The following APC variants were observed in gnomAD, a reference collection of about 807,000 sequenced individuals.
APC encodes APC regulator of Wnt signaling pathway.
A neutral mutation model predicts 247.0 loss-of-function variants in APC; 72 were observed. The observed-to-expected ratio is 0.29, with a 90% CI of 0.24 to 0.35. The LOEUF is 0.35. APC is among the 10% of genes least tolerant of loss of function. The probability of loss-of-function intolerance (pLI) is 1.00; values close to 1 mark genes in which losing one functional copy is unlikely to be tolerated. For missense variants in APC, 3,400 were observed against 3,360.7 expected (o/e 1.01, Z -0.29); for synonymous variants, 1,254 against 1,162.5 (o/e 1.08, Z -1.60).
At position 112,786,491 on chromosome 5, in the gene APC, G is replaced by A. The variant is rs538506436; in HGVS notation, c.645+5588G>A. 2.0e-5 allele frequency among the ~76,000 whole-genome samples: 3 copies of A among 152,226 alleles called. No individual in the cohort carries two copies. In the South Asian group the frequency reaches 6.2e-4, roughly 32 times the overall value. On this transcript the variant is annotated intron_variant, in intron 6 of 15. Coordinates refer to ENST00000257430, the MANE Select transcript of APC (RefSeq NM_000038.6). ...TATGGTGGTACTTACCCTTCCATAG[G>A]CATGTAAGCAAAGGTTGGAAAAGTG...
intron 1 of APC, among the ~76,000 whole-genome samples, chr5:112,732,569 T>A (rs888481908): frequency 6.6e-6 from 1 of 152,248 alleles, no homozygotes; most frequent in African/African-American, 2.4e-5. Context: ...CTTAATTGAA[T>A]GCCCTTTGCG....
chr5:112,816,914 G>A (rs577717537), intron 9 of APC, among the ~76,000 whole-genome samples: 49 of 151,618 alleles, frequency 3.2e-4, no homozygotes, highest in African/African-American at 1.0e-3. Flanking sequence ...TGTTGCCCAG[G>A]CTGTAGTGCA....
In APC at chr5:112,839,470, G is replaced by T. The variant is rs377494451; in HGVS notation, c.3876G>T (p.Thr1292=). ...SAEDEIGCNQ[T]TQEADSANTL... The stretch of plus-strand genomic sequence containing the variant: ...AAGATGAAATAGGATGTAATCAGAC[G>T]ACACAGGAAGCAGATTCTGCTAATA... Residue 1292 remains threonine, a synonymous_variant, in exon 16 of 16, where the codon ACG becomes ACT. Coordinates refer to ENST00000257430, the MANE Select transcript of APC (RefSeq NM_000038.6). This position sits in a 1 kb window ranked among gnomAD's most constrained non-coding sequence, Gnocchi z 5.0. 6.2e-7 allele frequency: 1 copy of T among 1,614,086 alleles called. No individual in the cohort carries two copies. Among genetic ancestry groups the T allele is most frequent in the South Asian group, 1.1e-5 (1 of 91,044 alleles).
rs1171592849 is a variant in APC, at chr5:112,786,886, C to CTTT, written c.646-5543_646-5541dup. Among the ~76,000 whole-genome samples the CTTT allele has an allele frequency of 4.0e-3, 468 of 118,120 alleles. 5 individuals are homozygous for CTTT. Among genetic ancestry groups the CTTT allele is most frequent in the African/African-American group, 0.013 (415 of 32,910 alleles). 77.5% of individuals were successfully genotyped at this position (118,120 alleles called of 152,430 possible). A position where few individuals can be genotyped will look rare whatever the true frequency, so the allele number is the denominator to read the frequency against. ...TACTCAACCCTGCCTTTTTCTTTTT[C>CTTT]TTTTTTTTTTTTTTTTTTTGAGTCA... On this transcript the variant is annotated intron_variant, in intron 6 of 15. Transcript: ENST00000257430.
chr5:112,742,285 G>GT (rs1753127325), intron 1 of APC, among the ~76,000 whole-genome samples: 1 of 152,114 alleles, frequency 6.6e-6, no homozygotes, highest in Non-Finnish European at 1.5e-5. Context: ...AGTGAAGGCC[G>GT]TAAGTTTTCT....
At chr5:112,723,637 G>A (rs1751605875) in intron 1 of APC, among the ~76,000 whole-genome samples, 1 of 152,094 alleles carries the variant, frequency 6.6e-6, no homozygotes, top group South Asian at 2.1e-4. Context: ...ATAATGTGTT[G>A]ACCGGAATGA....
intron 7 of APC, among the ~76,000 whole-genome samples, chr5:112,797,662 A>T (rs1256486690): frequency 6.6e-6 from 1 of 152,184 alleles, no homozygotes; most frequent in Admixed American, 6.5e-5. Context: ...AGCTGTGAGG[A>T]CAATGCAGTG....
chr5:112,721,345 C>T (rs1050757518), intron 1 of APC, among the ~76,000 whole-genome samples: 5 of 152,072 alleles, frequency 3.3e-5, no homozygotes, highest in African/African-American at 7.2e-5. Flanking sequence ...ACCCGGAAGA[C>T]GGAGATTGTA....
rs559455877 is a variant in APC, at chr5:112,782,251, A to C, written c.645+1348A>C. Among the ~76,000 whole-genome samples, 23 of 152,238 alleles carry C rather than the reference A, an allele frequency of 1.5e-4. 1 individual carries two copies. In the South Asian group the frequency reaches 4.8e-3, roughly 32 times the overall value. On this transcript the variant is annotated intron_variant, in intron 6 of 15. Transcript: ENST00000257430. Reference sequence around the variant, plus strand: ...TTTAAAACCATCAGATCTCGTGAGAATTATTTACTATCACAAGAACAGCAC... The same window carrying C: ...TTTAAAACCATCAGATCTCGTGAGACTTATTTACTATCACAAGAACAGCAC...
At chr5:112,729,555 A>G (rs1310749688) in intron 1 of APC, among the ~76,000 whole-genome samples, 1 of 152,224 alleles carries the variant, frequency 6.6e-6, no homozygotes, top group Admixed American at 6.5e-5. Flanking sequence ...AGGAGAAGTG[A>G]TAAGAATCAG....
chr5:112,776,253 C>T (rs180930434), intron 5 of APC, among the ~76,000 whole-genome samples: 1 of 152,290 alleles, frequency 6.6e-6, no homozygotes, highest in Non-Finnish European at 1.5e-5. Flanking sequence ...TAACAGTATG[C>T]AGTTGAATAA....
chr5:112,778,977 T>C, intron 5 of APC, among the ~76,000 whole-genome samples: 1 of 152,192 alleles, frequency 6.6e-6, no homozygotes, highest in South Asian at 2.1e-4. Flanking sequence ...AGAAAACCGT[T>C]TTGAAAACAT....
intron 1 of APC, among the ~76,000 whole-genome samples, chr5:112,722,164 G>A (rs527708186): frequency 3.3e-5 from 5 of 152,144 alleles, no homozygotes; most frequent in Non-Finnish European, 7.4e-5. Flanking sequence ...AGGGGAGTTC[G>A]TTGATTAATT....
chr5:112,734,525 T>A (rs1752266118), upstream of APC, among the ~76,000 whole-genome samples: 1 of 152,122 alleles, frequency 6.6e-6, no homozygotes, highest in African/African-American at 2.4e-5. Flanking sequence ...TAATTATTAT[T>A]TTGAAAGAAA....
At chr5:112,836,785 C>CA (rs1456875053) in intron 15 of APC, among the ~76,000 whole-genome samples, 22 of 152,032 alleles carry the variant, frequency 1.4e-4, no homozygotes, top group African/African-American at 4.6e-4. Context: ...CGGCTCACTG[C>CA]AACCTCTGCC....
At chr5:112,806,334 T>C (rs1488892712) in intron 8 of APC, among the ~76,000 whole-genome samples, 1 of 152,180 alleles carries the variant, frequency 6.6e-6, no homozygotes, top group Admixed American at 6.5e-5. Flanking sequence ...TATCTAGTTT[T>C]GTTATTTTCA....
At chr5:112,754,101 G>A (rs1437178517) in intron 1 of APC, among the ~76,000 whole-genome samples, 1 of 151,866 alleles carries the variant, frequency 6.6e-6, no homozygotes, top group East Asian at 1.9e-4. Context: ...ATTTCTCTTT[G>A]ACAGTCTCTA....
chr5:112,803,423 A>G (rs998904205), intron 8 of APC, among the ~76,000 whole-genome samples: 4 of 152,222 alleles, frequency 2.6e-5, no homozygotes, highest in African/African-American at 9.6e-5. Context: ...TAGATTAGTT[A>G]AGTGGCTCTG....
chr5:112,834,966 A>C lies in APC; in HGVS notation c.1759A>C (p.Ser587Arg). Residue 587 changes from serine to arginine, a missense_variant, in exon 15 of 16, where the codon AGC becomes CGC. Physicochemically the swap from Ser to Arg is moderately radical, Grantham distance 110. Around this residue, in one of 9 missense-constraint regions of APC, gnomAD observed 184 missense variants for 248.0 expected, o/e 0.74. Coordinates refer to ENST00000257430, the MANE Select transcript of APC (RefSeq NM_000038.6). ...TTCTTACTAGGAATCAACCCTCAAA[A>C]GCGTATTGAGTGCCTTATGGAATTT... Reference protein sequence around the residue: ...LEVKKESTLKSVLSALWNLSA... With the variant: ...LEVKKESTLKRVLSALWNLSA... 6.2e-7 allele frequency: 1 copy of C among 1,613,990 alleles called. No homozygotes were observed. Among genetic ancestry groups the C allele is most frequent in the Non-Finnish European group, 8.5e-7 (1 of 1,179,910 alleles).
Sources: allele counts gnomAD v4.1 joint callset (sites outside exome capture counted in the v4.1 genomes callset), GRCh38; gene constraint gnomAD v4.1.1; regional missense constraint gnomAD v4.1.1; non-coding constraint Gnocchi (gnomAD v3.1); transcripts MANE v1.5; gene names NCBI Gene and HGNC (gene_info 2026-07-23, HGNC 2026-07-21).